Variants in TMTC2 observed in about 807,000 individuals in gnomAD.
TMTC2 encodes the protein transmembrane O-mannosyltransferase targeting cadherins 2.
In TMTC2, 43 loss-of-function variants were observed where a neutral mutation model predicts 82.4. That is an observed-to-expected ratio of 0.52 (90% confidence interval 0.41 to 0.67). The LOEUF (loss-of-function observed/expected upper bound fraction) is 0.67. Ranked by LOEUF, TMTC2 falls within the 30% of genes least tolerant of loss-of-function variation. The pLI, the probability that TMTC2 is intolerant of heterozygous loss-of-function variation, is 0.00. For missense variants in TMTC2, 919 were observed against 1,012.4 expected, an observed-to-expected ratio of 0.91 and a Z score of 1.25; for synonymous variants, 408 against 381.9, an observed-to-expected ratio of 1.07 and a Z score of -0.80.
Position 82,858,543 on chromosome 12 carries a change from A to G in TMTC2, c.654+963A>G, listed in dbSNP as rs574469917. Among the ~76,000 whole-genome samples, 3 of 152,310 alleles carry G rather than the reference A, an allele frequency of 2.0e-5. No homozygotes were observed. The South Asian group carries it at 6.2e-4, about 32-fold the overall frequency. On this transcript the variant is annotated intron_variant, in intron 2 of 11. Coordinates refer to ENST00000321196, the MANE Select transcript of TMTC2 (RefSeq NM_152588.3). ...AAACTGTCAAGTTTTCCTAGTTTTG[A>G]CTACTTTTTCACCATCGATTTCTAA...
intron 8 of TMTC2, among the ~76,000 whole-genome samples, chr12:83,012,754 A>T (rs1293138925): frequency 6.6e-6 from 1 of 152,114 alleles, no homozygotes; most frequent in Non-Finnish European, 1.5e-5. Context: ...TTCAGAGGGA[A>T]TTTGTAGAAT....
rs557057395 is a variant in TMTC2 at position 82,709,959 on chromosome 12, T to G, written c.83+22290T>G. On this transcript the variant is annotated intron_variant, in intron 1 of 11. Transcript: ENST00000321196. Reference sequence around the variant, plus strand: ...CTATTGTAATTCCATAATTCTGTAGTTTTTTTTCAACCTGCAAGTGGTGAA... The same window carrying G: ...CTATTGTAATTCCATAATTCTGTAGGTTTTTTTCAACCTGCAAGTGGTGAA... Among the ~76,000 whole-genome samples the G allele has an allele frequency of 6.6e-5, 10 of 152,152 alleles. No individual in the cohort carries two copies. In the South Asian group the frequency reaches 1.7e-3, roughly 25 times the overall value.
At chr12:83,051,114 A>C in intron 10 of TMTC2, 96 bp downstream of exon 10, 2 of 770,806 alleles carry the variant, frequency 2.6e-6, no homozygotes, top group Non-Finnish European at 4.1e-6. Flanking sequence ...CACATTCTCA[A>C]TGTGAGTCAA....
intron 2 of TMTC2, among the ~76,000 whole-genome samples, chr12:82,882,910 G>A (rs1872904223): frequency 6.6e-6 from 1 of 152,006 alleles, no homozygotes; most frequent in South Asian, 2.1e-4. Flanking sequence ...ACAAAAATTA[G>A]CTGGGCGTGG....
At chr12:82,811,460 A>G (rs1237627366) in intron 1 of TMTC2, among the ~76,000 whole-genome samples, 3 of 152,162 alleles carry the variant, frequency 2.0e-5, no homozygotes, top group Non-Finnish European at 4.4e-5. Context: ...GTTGCTCACC[A>G]TACATATTTC....
Position 82,857,559 on chromosome 12 carries a change from G to T in TMTC2, c.633G>T (p.Gln211His). ...VFVFHRLKIK[Q>H]ILPTIYKRKN... ...TCTTTCACAGGCTGAAAATAAAACA[G>T]ATATTACCTACCATTTACAAAGTAA... Residue 211 changes from glutamine to histidine, a missense_variant, in exon 2 of 12, where the codon CAG becomes CAT. By Grantham distance (24) the Gln-to-His change is conservative. Transcript: ENST00000321196. The T allele has an allele frequency of 2.5e-6, 4 of 1,609,664 alleles. No individual in the cohort carries two copies. The highest frequency in any genetic ancestry group is 3.4e-6 in the Non-Finnish European group (4 of 1,177,828).
At chr12:82,973,511 A>T (rs947463999) in intron 7 of TMTC2, among the ~76,000 whole-genome samples, 4 of 152,156 alleles carry the variant, frequency 2.6e-5, no homozygotes, top group Non-Finnish European at 5.9e-5. Flanking sequence ...GAATATATGA[A>T]ATTTATGAGC....
intron 4 of TMTC2, among the ~76,000 whole-genome samples, chr12:82,951,635 T>C (rs1398698606): frequency 1.3e-5 from 2 of 152,158 alleles, no homozygotes; most frequent in African/African-American, 2.4e-5. Flanking sequence ...TTTAACCTTT[T>C]AAAGAAGGGT....
intron 1 of TMTC2, among the ~76,000 whole-genome samples, chr12:82,756,573 A>G (rs1427637370): frequency 1.3e-5 from 2 of 152,202 alleles, no homozygotes; most frequent in East Asian, 3.8e-4. Flanking sequence ...AATAATTAGC[A>G]TCAGCAGAGT....
At chr12:82,726,159 A>C (rs1874435967) in intron 1 of TMTC2, among the ~76,000 whole-genome samples, 1 of 152,178 alleles carries the variant, frequency 6.6e-6, no homozygotes, top group African/African-American at 2.4e-5. Context: ...GTCAGATTGG[A>C]AAGTAAGCCG....
intron 1 of TMTC2, among the ~76,000 whole-genome samples, chr12:82,771,810 A>C (rs1237895464): frequency 6.6e-6 from 1 of 152,028 alleles, no homozygotes; most frequent in Non-Finnish European, 1.5e-5. Flanking sequence ...AGGGGTGGGG[A>C]GGGGAAGTAG....
At chr12:83,014,724 A>G (rs1416374078) in intron 8 of TMTC2, among the ~76,000 whole-genome samples, 1 of 43,566 alleles carries the variant, frequency 2.3e-5, no homozygotes, top group East Asian at 6.5e-4. Context: ...CTAGTTAAGA[A>G]GAGAACTTTT....
chr12:82,863,869 A>C (rs1340193333), intron 2 of TMTC2, among the ~76,000 whole-genome samples: 4 of 152,326 alleles, frequency 2.6e-5, no homozygotes, highest in African/African-American at 4.8e-5. Context: ...TAGTGCATGT[A>C]AATATAGAAT....
At chr12:82,764,452 T>G (rs1876833658) in intron 1 of TMTC2, among the ~76,000 whole-genome samples, 3 of 152,158 alleles carry the variant, frequency 2.0e-5, no homozygotes. Flanking sequence ...CACTTTTTTT[T>G]AATGGAGGCT....
At chr12:82,947,403 C>T (rs934723705) in intron 4 of TMTC2, among the ~76,000 whole-genome samples, 5 of 147,514 alleles carry the variant, frequency 3.4e-5, no homozygotes, top group Admixed American at 1.4e-4. Context: ...AGTGCAGTGG[C>T]GCGATCTCGG....
rs77791606 is a variant in TMTC2, at chr12:82,775,048, A to G, written c.84-81962A>G. On this transcript the variant is annotated intron_variant, in intron 1 of 11. Transcript: ENST00000321196. ...GCCATTGGTAAGACACCAAAATGTC[A>G]TTAGTAAACCAGGGTTTATTTTACT... Among the ~76,000 whole-genome samples the G allele has an allele frequency of 8.9e-3, 1,349 of 152,214 alleles. 60 individuals are homozygous for G. Among genetic ancestry groups the G allele is most frequent in the East Asian group, 0.046 (239 of 5,174 alleles).
intron 4 of TMTC2, among the ~76,000 whole-genome samples, chr12:82,942,384 T>G (rs1796161): frequency 0.92 from 139,747 of 152,204 alleles, 64,252 homozygotes; most frequent in East Asian, 1. Context: ...GCTACTTGGG[T>G]TATAAGTGGC....
At chr12:82,762,427 A>G (rs2470888) in intron 1 of TMTC2, among the ~76,000 whole-genome samples, 149,085 of 152,296 alleles carry the variant, frequency 0.98, 73,046 homozygotes, top group East Asian at 1. Context: ...CGTTTACCGT[A>G]TACATAATGC....
intron 7 of TMTC2, among the ~76,000 whole-genome samples, chr12:82,978,509 T>C (rs535107849): frequency 6.6e-6 from 1 of 151,938 alleles, no homozygotes; most frequent in African/African-American, 2.4e-5. Context: ...AAAATTTCTC[T>C]CGTTATTGAT....
Sources: allele counts gnomAD v4.1 joint callset (sites outside exome capture counted in the v4.1 genomes callset), GRCh38; gene constraint gnomAD v4.1.1; transcripts MANE v1.5; gene names NCBI Gene and HGNC (gene_info 2026-07-23, HGNC 2026-07-21).